PDE7B: variants seen among roughly 807,000 people sequenced by gnomAD.
PDE7B encodes 3',5'-cyclic-AMP phosphodiesterase 7B.
In PDE7B, 29 loss-of-function variants were observed where a neutral mutation model predicts 56.2. The ratio of observed to expected loss-of-function variants is 0.52; its 90% CI spans 0.38 to 0.70. The LOEUF is 0.70. Among genes scored for constraint, PDE7B ranks in the 30% least tolerant of loss-of-function variants. The probability of loss-of-function intolerance (pLI) is 0.00; values close to 1 mark genes in which losing one functional copy is unlikely to be tolerated. For missense variants in PDE7B, 490 were observed against 565.0 expected (o/e 0.87, Z 1.35); for synonymous variants, 197 against 196.9 (o/e 1.00, Z 0.00).
At chr6:135,936,168 C>T (rs141998635) in intron 1 of PDE7B, among the ~76,000 whole-genome samples, 372 of 152,234 alleles carry the variant, frequency 2.4e-3, no homozygotes, top group Non-Finnish European at 3.0e-3. Flanking sequence ...GGTTTATGTA[C>T]AGGAGCATTG....
chr6:136,053,243 G>A (rs944471599), intron 2 of PDE7B, among the ~76,000 whole-genome samples: 4 of 125,738 alleles, frequency 3.2e-5, no homozygotes, highest in African/African-American at 6.3e-5. Context: ...GGTGTGTGAT[G>A]TTCCCCTTCC....
At chr6:136,030,621 A>T (rs939525637) in intron 2 of PDE7B, among the ~76,000 whole-genome samples, 7 of 152,232 alleles carry the variant, frequency 4.6e-5, no homozygotes, top group African/African-American at 1.7e-4. Flanking sequence ...CCATTCACTC[A>T]TGCCTGGAAT....
At chr6:135,911,470 T>G (rs1776211157) in intron 1 of PDE7B, among the ~76,000 whole-genome samples, 2 of 152,238 alleles carry the variant, frequency 1.3e-5, no homozygotes, top group Non-Finnish European at 2.9e-5. Flanking sequence ...GAACAAACTT[T>G]TAAACCAACG....
intron 2 of PDE7B, among the ~76,000 whole-genome samples, chr6:136,079,409 A>G (rs916448492): frequency 2.6e-5 from 4 of 152,200 alleles, no homozygotes; most frequent in South Asian, 2.1e-4. Context: ...ATTAACAAAA[A>G]TTGAATAAAA....
intron 2 of PDE7B, among the ~76,000 whole-genome samples, chr6:135,956,773 C>T (rs1018637321): frequency 1.1e-4 from 17 of 149,630 alleles, no homozygotes; most frequent in Non-Finnish European, 2.1e-4. Flanking sequence ...CAGAGCAAGA[C>T]CCTCTCAAAA....
At chr6:136,007,675 A>T (rs112285878) in intron 2 of PDE7B, among the ~76,000 whole-genome samples, 7,672 of 151,646 alleles carry the variant, frequency 0.051, 629 homozygotes, top group African/African-American at 0.17. Context: ...AAAGAAAATC[A>T]ATTTCTTCCT....
rs146185486 is a variant in PDE7B, at chr6:136,171,230, G to C, written c.712-2567G>C. 2.6e-5 allele frequency among the ~76,000 whole-genome samples: 4 copies of C among 152,242 alleles called. No homozygotes were observed. In the Middle Eastern group the frequency reaches 0.014, roughly 518 times the overall value. On this transcript the variant is annotated intron_variant, in intron 8 of 12. Coordinates refer to ENST00000308191, the MANE Select transcript of PDE7B (RefSeq NM_018945.4). The stretch of plus-strand genomic sequence containing the variant: ...AAGGGAGAGATTGAATATAACACAG[G>C]TTCCCTCAAGGACAGGAATGTTAAG...
intron 2 of PDE7B, among the ~76,000 whole-genome samples, chr6:136,004,289 G>A (rs1001075080): frequency 1.3e-4 from 20 of 152,154 alleles, no homozygotes; most frequent in Non-Finnish European, 2.8e-4. Context: ...TTGAAAACGG[G>A]CACAAGACAG....
chr6:136,110,711 C>CG (rs1562495600), intron 3 of PDE7B, among the ~76,000 whole-genome samples: 1 of 138,636 alleles, frequency 7.2e-6, no homozygotes, highest in Admixed American at 7.1e-5. Flanking sequence ...GATTCTGCAA[C>CG]ATTTTTTTTT....
intron 12 of PDE7B, among the ~76,000 whole-genome samples, chr6:136,189,622 C>T (rs1779190498): frequency 6.6e-6 from 1 of 152,102 alleles, no homozygotes; most frequent in Non-Finnish European, 1.5e-5. Flanking sequence ...AAATGAAGCT[C>T]TAATTGGTGA....
intron 2 of PDE7B, among the ~76,000 whole-genome samples, chr6:136,108,379 C>T (rs572899366): frequency 2.6e-5 from 4 of 152,030 alleles, no homozygotes; most frequent in South Asian, 2.1e-4. Context: ...CTTTTAAGAA[C>T]GAAAGCTACA....
chr6:136,009,226 T>C (rs908818598), intron 2 of PDE7B, among the ~76,000 whole-genome samples: 2 of 151,902 alleles, frequency 1.3e-5, no homozygotes, highest in African/African-American at 2.4e-5. Context: ...CATGCTGTTT[T>C]GGTTACTGTA....
intron 1 of PDE7B, among the ~76,000 whole-genome samples, chr6:135,946,156 T>C (rs1159570376): frequency 6.6e-6 from 1 of 151,922 alleles, no homozygotes; most frequent in Non-Finnish European, 1.5e-5. Flanking sequence ...GGACAATTGT[T>C]TTTGGCTTAA....
chr6:135,869,395 A>G (rs917357061), intron 1 of PDE7B, among the ~76,000 whole-genome samples: 26 of 152,168 alleles, frequency 1.7e-4, no homozygotes, highest in African/African-American at 6.3e-4. Flanking sequence ...TATATGGATA[A>G]AATTGTCCCC....
intron 2 of PDE7B, among the ~76,000 whole-genome samples, chr6:136,087,766 T>C (rs1007108017): frequency 6.6e-6 from 1 of 152,226 alleles, no homozygotes; most frequent in Non-Finnish European, 1.5e-5. Flanking sequence ...TATATGTATA[T>C]ACATAGTCCT....
chr6:136,086,191 G>A (rs1478826871), intron 2 of PDE7B, among the ~76,000 whole-genome samples: 3 of 152,176 alleles, frequency 2.0e-5, no homozygotes, highest in Non-Finnish European at 4.4e-5. Context: ...GGTAACTGGA[G>A]TTATAACTCC....
chr6:135,934,126 C>G lies in PDE7B; in HGVS notation c.22-13338C>G, dbSNP rs1056622468. On this transcript the variant is annotated intron_variant, in intron 1 of 12. Transcript: ENST00000308191. ...TTAAAACTCATGTCAATGATTATCT[C>G]TCCTTATAAAGAAGCCTACAGAGGG... Among the ~76,000 whole-genome samples, 5 of 152,160 alleles carry G rather than the reference C, an allele frequency of 3.3e-5. No homozygotes were observed. The South Asian group carries it at 8.3e-4, about 25-fold the overall frequency.
At chr6:136,003,559 G>T (rs1775714368) in intron 2 of PDE7B, among the ~76,000 whole-genome samples, 2 of 152,310 alleles carry the variant, frequency 1.3e-5, no homozygotes, top group South Asian at 4.2e-4. Context: ...TACCATCAGA[G>T]AATACTACAA....
rs546139536 is a variant in PDE7B at position 135,944,747 on chromosome 6, A to T, written c.22-2717A>T. Among the ~76,000 whole-genome samples the T allele has an allele frequency of 8.9e-4, 136 of 152,322 alleles. 3 individuals carry two copies. The Middle Eastern group carries it at 0.017, about 19-fold the overall frequency. On this transcript the variant is annotated intron_variant, in intron 1 of 12. Transcript: ENST00000308191. ...GAGCAAGACCCCAGCTCCTGTGCCC[A>T]TATTCACACCAATGTGCCTGTTGAG...
Sources: allele counts gnomAD v4.1 joint callset (sites outside exome capture counted in the v4.1 genomes callset), GRCh38; gene constraint gnomAD v4.1.1; transcripts MANE v1.5; gene names NCBI Gene and HGNC (gene_info 2026-07-23, HGNC 2026-07-21).